The following FHIP1A variants were observed in gnomAD, a reference collection of about 807,000 sequenced individuals.
FHIP1A encodes FHF complex subunit HOOK-interacting protein 1A.
A neutral mutation model predicts 88.6 loss-of-function variants in FHIP1A; 61 were observed. The ratio of observed to expected loss-of-function variants is 0.69; its 90% CI spans 0.56 to 0.85. FHIP1A has a LOEUF of 0.85. Among genes scored for constraint, FHIP1A ranks in the 40% least tolerant of loss-of-function variants. The probability of loss-of-function intolerance (pLI) is 0.00; values close to 1 mark genes in which losing one functional copy is unlikely to be tolerated. For synonymous variants in FHIP1A, 478 were observed against 496.0 expected (o/e 0.96, Z 0.48); for missense variants, 1,154 against 1,273.5 (o/e 0.91, Z 1.43).
At position 151,470,765 on chromosome 4, in the gene FHIP1A, G is replaced by A. The variant is rs186967730; in HGVS notation, c.-247-11759G>A. On this transcript the variant is annotated intron_variant, in intron 2 of 13. Transcript: ENST00000435205. Reference sequence around the variant, plus strand: ...ACCTGACAGATCATGTGAAAGCTCTGTATTCTTCTAGTCATTGATGTCAGT... The same window carrying A: ...ACCTGACAGATCATGTGAAAGCTCTATATTCTTCTAGTCATTGATGTCAGT... Among the ~76,000 whole-genome samples, 6 of 152,262 alleles carry A rather than the reference G, an allele frequency of 3.9e-5. No homozygotes were observed. In the South Asian group the frequency reaches 6.2e-4, roughly 16 times the overall value.
intron 13 of FHIP1A, among the ~76,000 whole-genome samples, chr4:151,661,013 C>T (rs893581552): frequency 1.3e-5 from 2 of 152,148 alleles, no homozygotes; most frequent in African/African-American, 4.8e-5. Flanking sequence ...ACAAATAATG[C>T]CTCTAAGGCT....
chr4:151,444,928 G>A (rs1218098921), intron 1 of FHIP1A, among the ~76,000 whole-genome samples: 1 of 152,044 alleles, frequency 6.6e-6, no homozygotes, highest in Non-Finnish European at 1.5e-5. Context: ...TTAATTCTTG[G>A]CAGACATTGA....
At chr4:151,640,393 G>A (rs962973193) in intron 9 of FHIP1A, among the ~76,000 whole-genome samples, 2 of 152,126 alleles carry the variant, frequency 1.3e-5, no homozygotes, top group African/African-American at 2.4e-5. Context: ...CTAATCTTAA[G>A]GATTAGCAGA....
At chr4:151,601,844 C>A (rs556030672) in intron 7 of FHIP1A, among the ~76,000 whole-genome samples, 1 of 151,678 alleles carries the variant, frequency 6.6e-6, no homozygotes, top group South Asian at 2.1e-4. Flanking sequence ...AAAGACATAC[C>A]TGAGACTGGG....
chr4:151,563,199 AGCTATT>A (rs1158537557), intron 3 of FHIP1A, among the ~76,000 whole-genome samples: 2 of 152,102 alleles, frequency 1.3e-5, no homozygotes, highest in African/African-American at 4.8e-5. Context: ...TGAAATATCA[AGCTATT>A]GTATATATAT....
chr4:151,586,958 T>C (rs1734240405), intron 6 of FHIP1A, among the ~76,000 whole-genome samples, 159 bp downstream of exon 6: 2 of 152,186 alleles, frequency 1.3e-5, no homozygotes, highest in African/African-American at 2.4e-5. Flanking sequence ...TGAGTGAAAA[T>C]GTTAGTTTGT....
At chr4:151,431,883 T>C (rs572859696) in intron 1 of FHIP1A, among the ~76,000 whole-genome samples, 6 of 152,264 alleles carry the variant, frequency 3.9e-5, no homozygotes, top group African/African-American at 1.4e-4. Flanking sequence ...ACTAATCTTT[T>C]AAGGAGGAAG....
intron 1 of FHIP1A, among the ~76,000 whole-genome samples, chr4:151,430,315 T>C (rs189709610): frequency 5.3e-5 from 8 of 152,358 alleles, no homozygotes; most frequent in East Asian, 1.9e-4. Flanking sequence ...TTAACACTTA[T>C]AAAGTGCCTT....
chr4:151,501,864 C>G (rs1003986351), intron 3 of FHIP1A, among the ~76,000 whole-genome samples: 1 of 148,802 alleles, frequency 6.7e-6, no homozygotes, highest in Admixed American at 6.7e-5. Context: ...TGGTTCTCAA[C>G]AAAAACTACA....
At chr4:151,659,061 T>A (rs575167509) in intron 13 of FHIP1A, among the ~76,000 whole-genome samples, 12 of 152,298 alleles carry the variant, frequency 7.9e-5, no homozygotes, top group African/African-American at 2.9e-4. Context: ...TCAGAATGTC[T>A]GGAGGCCATG....
At chr4:151,581,803 T>C (rs527824246) in intron 5 of FHIP1A, among the ~76,000 whole-genome samples, 1 of 150,312 alleles carries the variant, frequency 6.7e-6, no homozygotes, top group African/African-American at 2.4e-5. Flanking sequence ...TCAAAGTGTG[T>C]TAGCATCAGG....
At chr4:151,582,384 C>T (rs1299666480) in intron 5 of FHIP1A, among the ~76,000 whole-genome samples, 2 of 151,460 alleles carry the variant, frequency 1.3e-5, no homozygotes, top group Non-Finnish European at 2.9e-5. Flanking sequence ...TCTTTCTTTC[C>T]TTCATTGGAA....
chr4:151,651,562 C>T (rs183767592), intron 11 of FHIP1A, among the ~76,000 whole-genome samples: 2 of 152,300 alleles, frequency 1.3e-5, no homozygotes, highest in East Asian at 1.9e-4. Context: ...ATCCCAGGCC[C>T]TCCATTTGCT....
chr4:151,431,298 C>A (rs1733581705), intron 1 of FHIP1A, among the ~76,000 whole-genome samples: 1 of 152,084 alleles, frequency 6.6e-6, no homozygotes, highest in South Asian at 2.1e-4. Flanking sequence ...CCCTGGCCCG[C>A]CACTCCCTAC....
intron 7 of FHIP1A, among the ~76,000 whole-genome samples, chr4:151,591,448 T>G (rs1341025455): frequency 6.6e-6 from 1 of 152,094 alleles, no homozygotes; most frequent in Non-Finnish European, 1.5e-5. Context: ...AATTCTTTAT[T>G]TATTTTTATT....
chr4:151,662,705 C>T lies in FHIP1A; in HGVS notation c.3074C>T (p.Ser1025Phe). The T allele has an allele frequency of 6.4e-7, 1 of 1,550,978 alleles. No homozygotes were observed. Among genetic ancestry groups the T allele is most frequent in the Non-Finnish European group, 8.7e-7 (1 of 1,146,732 alleles). Residue 1025 changes from serine (S) to phenylalanine (F), a missense_variant, in exon 14 of 14, where the codon TCC becomes TTC. By Grantham distance (155) the Ser-to-Phe change is radical. Transcript: ENST00000435205. ...CTGGCGGCCTTGGCCCAGGAACACT[C>T]CATTCTGTGCTACAAGATCTTGGGT... ...KELAALAQEH[S>F]ILCYKILGDF... is the part of the protein sequence containing the mutation.
At chr4:151,481,313 T>C (rs1729885623) in intron 2 of FHIP1A, among the ~76,000 whole-genome samples, 1 of 151,998 alleles carries the variant, frequency 6.6e-6, no homozygotes, top group African/African-American at 2.4e-5. Flanking sequence ...CTTTAAAAAT[T>C]TGACATAAAA....
At chr4:151,497,166 G>C (rs1382392260) in intron 3 of FHIP1A, among the ~76,000 whole-genome samples, 1 of 152,112 alleles carries the variant, frequency 6.6e-6, no homozygotes, top group African/African-American at 2.4e-5. Context: ...ACATACTTCA[G>C]AATGCTACAA....
chr4:151,654,942 G>C (rs1415127087), intron 11 of FHIP1A, among the ~76,000 whole-genome samples: 1 of 152,192 alleles, frequency 6.6e-6, no homozygotes, highest in Non-Finnish European at 1.5e-5. Flanking sequence ...CATCCTTAGT[G>C]TTCCTGGAGA....
Sources: gnomAD v4.1 joint callset for allele counts (sites outside exome capture counted in the v4.1 genomes callset) on GRCh38, gnomAD v4.1.1 for gene constraint, MANE v1.5 for transcripts, NCBI Gene and HGNC (gene_info 2026-07-23, HGNC 2026-07-21) for gene names.